The following SUCLA2 variants were observed in gnomAD, a reference collection of about 807,000 sequenced individuals.
The protein encoded by SUCLA2 is succinate-CoA ligase ADP-forming subunit beta, also known as succinate--CoA ligase [ADP-forming] subunit beta, mitochondrial.
Under a neutral mutation model 54.8 loss-of-function variants are expected in SUCLA2, and 30 were observed. The observed-to-expected ratio is 0.55, with a 90% confidence interval of 0.41 to 0.74. The LOEUF (loss-of-function observed/expected upper bound fraction) is 0.74. Ranked by LOEUF, SUCLA2 falls within the 30% of genes least tolerant of loss-of-function variation. The probability of loss-of-function intolerance (pLI) is 0.00; values close to 1 mark genes in which losing one functional copy is unlikely to be tolerated. For synonymous variants in SUCLA2, 172 were observed against 188.9 expected, an observed-to-expected ratio of 0.91 and a Z score of 0.74; for missense variants, 476 against 562.9, an observed-to-expected ratio of 0.85 and a Z score of 1.56.
intron 5 of SUCLA2, among the ~76,000 whole-genome samples, chr13:47,970,183 C>T (rs959275853): frequency 6.6e-6 from 1 of 151,248 alleles, no homozygotes; most frequent in African/African-American, 2.4e-5. Flanking sequence ...TATGAAAGTA[C>T]CATTTTATTA....
chr13:47,980,732 A>C (rs565525700), intron 4 of SUCLA2, among the ~76,000 whole-genome samples: 1 of 152,144 alleles, frequency 6.6e-6, no homozygotes, highest in African/African-American at 2.4e-5. Context: ...GATAATGCAT[A>C]AAAAAACAGA....
intron 10 of SUCLA2, among the ~76,000 whole-genome samples, chr13:47,948,652 C>A (rs749359615): frequency 6.6e-5 from 10 of 152,142 alleles, no homozygotes; most frequent in Non-Finnish European, 1.2e-4. Flanking sequence ...CGACCCTCTT[C>A]CTTGGTTATA....
intron 9 of SUCLA2, among the ~76,000 whole-genome samples, 182 bp downstream of exon 9, chr13:47,949,301 G>A (rs1235834322): frequency 6.6e-6 from 1 of 152,082 alleles, no homozygotes; most frequent in African/African-American, 2.4e-5. Context: ...ATTATACCAA[G>A]CAAAAGTATA....
At chr13:47,947,315 T>C (rs1303734458) in intron 10 of SUCLA2, among the ~76,000 whole-genome samples, 1 of 147,592 alleles carries the variant, frequency 6.8e-6, no homozygotes, top group Non-Finnish European at 1.5e-5. Flanking sequence ...AAACAAAAAG[T>C]AAACAAAATA....
intron 5 of SUCLA2, among the ~76,000 whole-genome samples, chr13:47,972,762 T>C (rs1949978311): frequency 6.8e-6 from 1 of 147,940 alleles, no homozygotes; most frequent in Non-Finnish European, 1.5e-5. Context: ...TTTTTTTTTT[T>C]TTTTGAGATG....
At chr13:47,963,657 CA>C (rs57458473) in intron 6 of SUCLA2, among the ~76,000 whole-genome samples, 139,471 of 149,468 alleles carry the variant, frequency 0.93, 65,061 homozygotes, top group East Asian at 1. Context: ...AACAAACAAA[CA>C]AAAAAAAAAA....
chr13:47,963,407 G>A (rs937864185), intron 6 of SUCLA2, among the ~76,000 whole-genome samples: 3 of 152,180 alleles, frequency 2.0e-5, no homozygotes, highest in Non-Finnish European at 2.9e-5. Flanking sequence ...ACTTTGGGAG[G>A]CTGAAGCAGG....
intron 6 of SUCLA2, among the ~76,000 whole-genome samples, chr13:47,965,797 C>A (rs1381052314): frequency 1.3e-5 from 2 of 152,108 alleles, no homozygotes; most frequent in African/African-American, 4.8e-5. Context: ...GCCTGTAATC[C>A]CAGGACTTTC....
At chr13:47,999,673 C>T (rs1183645928) in intron 1 of SUCLA2, among the ~76,000 whole-genome samples, 1 of 150,494 alleles carries the variant, frequency 6.6e-6, no homozygotes, top group Non-Finnish European at 1.5e-5. Flanking sequence ...CGCCACTGCA[C>T]TCCAGCCTGG....
chr13:47,994,230 ACTAG>A (rs1950173609), intron 2 of SUCLA2, among the ~76,000 whole-genome samples: 1 of 151,930 alleles, frequency 6.6e-6, no homozygotes, highest in Admixed American at 6.6e-5. Context: ...ACCTTGTGCA[ACTAG>A]ATCCCATAAT....
chr13:47,953,668 C>T (rs949399027), intron 8 of SUCLA2, among the ~76,000 whole-genome samples: 1 of 152,018 alleles, frequency 6.6e-6, no homozygotes, highest in Admixed American at 6.6e-5. Context: ...CCAGACACTA[C>T]GAGAAGCAAC....
rs1186561316 is a variant in SUCLA2, at chr13:47,953,859, C to CTT, written c.1107+279_1107+280dup. On this transcript the variant is annotated intron_variant, in intron 8 of 10. Transcript: ENST00000646932. ...TATATATGTCTTTTGAATTATGATA[C>CTT]TTCACATCCCTTATACTTTGATAAT... Among the ~76,000 whole-genome samples, 19 of 152,094 alleles carry CTT rather than the reference C, an allele frequency of 1.2e-4. No individual in the cohort carries two copies. In the East Asian group the frequency reaches 3.1e-3, roughly 25 times the overall value.
rs1300486540 is a variant in SUCLA2, at chr13:47,943,766, G to GTGTGTATATATATATATATATA, written c.1318-322_1318-321insTATATATATATATATATACACA. On this transcript the variant is annotated intron_variant, in intron 10 of 10. Coordinates refer to ENST00000646932, the MANE Select transcript of SUCLA2 (RefSeq NM_003850.3). ...TGTATGTGTGTGTGTGTGTGTGTGT[G>GTGTGTATATATATATATATATA]TATATATATATATATTATTCTAAAT... 9.0e-4 allele frequency among the ~76,000 whole-genome samples: 125 copies of GTGTGTATATATATATATATATA among 139,642 alleles called. 1 individual carries two copies. Among genetic ancestry groups the GTGTGTATATATATATATATATA allele is most frequent in the African/African-American group, 2.9e-3 (108 of 37,252 alleles). The allele number at this position is 139,642 out of a possible 152,430, so 91.6% of individuals were successfully genotyped here.
rs531351459 is a variant in SUCLA2, at chr13:47,966,844, C to T, written c.802+1751G>A. Among the ~76,000 whole-genome samples, 17 of 151,990 alleles carry T rather than the reference C, an allele frequency of 1.1e-4. No individual in the cohort carries two copies. The East Asian group carries it at 2.5e-3, about 22-fold the overall frequency. On this transcript the variant is annotated intron_variant, in intron 6 of 10. Transcript: ENST00000646932. ...CCTAGGCAACATATTGAGGGCCCGT[C>T]TCTACAAAAAATTTTAAAAAGAATT...
chr13:47,946,066 C>T (rs965554055), intron 10 of SUCLA2: 1 of 152,204 alleles, frequency 6.6e-6, no homozygotes, highest in African/African-American at 2.4e-5. Flanking sequence ...CACCTCAGTT[C>T]ATCTCACCAA....
intron 4 of SUCLA2, among the ~76,000 whole-genome samples, chr13:47,974,906 A>C (rs1949997552): frequency 6.6e-6 from 1 of 152,166 alleles, no homozygotes; most frequent in Non-Finnish European, 1.5e-5. Context: ...GTATGAAAAA[A>C]ATGATACAAA....
Position 47,973,375 on chromosome 13 carries a change from T to A in SUCLA2, c.552A>T (p.Gly184=), listed in dbSNP as rs576129571. 1.4e-4 allele frequency: 233 copies of A among 1,613,560 alleles called. No homozygotes were observed. The South Asian group carries it at 2.5e-3, about 17-fold the overall frequency. ...CAATGTTGACACCACCATGTGAACT[T>A]CCTATTAATACAGGACCCTGGCAAG... ...ERSFQGPVLI[G]SSHGGVNIED... The change falls in exon 5 of 11, where the codon GGA becomes GGT. Residue 184 remains glycine, a synonymous_variant. Coordinates refer to ENST00000646932, the MANE Select transcript of SUCLA2 (RefSeq NM_003850.3).
At chr13:47,953,462 C>A (rs1949792499) in intron 8 of SUCLA2, among the ~76,000 whole-genome samples, 1 of 152,266 alleles carries the variant, frequency 6.6e-6, no homozygotes, top group African/African-American at 2.4e-5. Context: ...CATTTTACAT[C>A]TCATTTAGTT....
At chr13:47,943,752 G>A (rs1045644870) in intron 10 of SUCLA2, among the ~76,000 whole-genome samples, 3 of 117,126 alleles carry the variant, frequency 2.6e-5, no homozygotes, top group African/African-American at 8.2e-5. Context: ...GTATGTGTGT[G>A]TGTGTGTGTG....
Sources: allele counts gnomAD v4.1 joint callset (sites outside exome capture counted in the v4.1 genomes callset), GRCh38; gene constraint gnomAD v4.1.1; transcripts MANE v1.5; gene names NCBI Gene and HGNC (gene_info 2026-07-23, HGNC 2026-07-21).